MPP7: variants seen among roughly 807,000 people sequenced by gnomAD.
MPP7 encodes MAGUK p55 scaffold protein 7, also known as MAGUK p55 subfamily member 7.
A neutral mutation model predicts 76.5 loss-of-function variants in MPP7; 60 were observed. The ratio of observed to expected loss-of-function variants is 0.78; its 90% confidence interval spans 0.64 to 0.97. MPP7 has a LOEUF of 0.97. Ranked by LOEUF, MPP7 falls within the 50% of genes least tolerant of loss-of-function variation. The pLI, the probability that MPP7 is intolerant of heterozygous loss-of-function variation, is 0.00. For missense variants in MPP7, 641 were observed against 694.0 expected, an observed-to-expected ratio of 0.92 and a Z score of 0.86; for synonymous variants, 237 against 244.5, an observed-to-expected ratio of 0.97 and a Z score of 0.29.
chr10:28,290,957 T>C (rs931080125), intron 1 of MPP7, among the ~76,000 whole-genome samples: 3 of 152,202 alleles, frequency 2.0e-5, no homozygotes, highest in Non-Finnish European at 4.4e-5. Context: ...ACATGAAAAT[T>C]AACTTATTCT....
chr10:28,233,350 T>A (rs1838954043), intron 2 of MPP7, among the ~76,000 whole-genome samples: 1 of 152,158 alleles, frequency 6.6e-6, no homozygotes, highest in African/African-American at 2.4e-5. Flanking sequence ...TTTATGTGTG[T>A]TTACGCATGG....
chr10:28,202,806 T>C lies in MPP7; in HGVS notation c.38-535A>G, dbSNP rs562602754. 3 of 152,176 alleles carry C rather than the reference T, an allele frequency of 2.0e-5. No individual in the cohort carries two copies. The East Asian group carries it at 5.8e-4, about 29-fold the overall frequency. 9.4% of individuals were successfully genotyped at this position (152,176 alleles called of 1,614,324 possible). Reference sequence around the variant, plus strand: ...GTACGGGAAAAGAAATCATAAATGGTTCTACATTACTATAGTCAACTATCA... The same window carrying C: ...GTACGGGAAAAGAAATCATAAATGGCTCTACATTACTATAGTCAACTATCA... On this transcript the variant is annotated intron_variant, in intron 2 of 16. Transcript: ENST00000683449.
chr10:28,059,659 T>C lies in MPP7; in HGVS notation c.1289A>G (p.Gln430Arg), dbSNP rs756146918. ...ISKHLFETDV[Q>R]NNKFIEYGEY... ...AAAAATGTCCACATACTTGTTATTT[T>C]GTACATCTGTCTCAAACAAATGCTT... Residue 430 changes from glutamine (Q) to arginine (R), a missense_variant, in exon 14 of 17, where the codon CAA (glutamine) becomes CGA (arginine). Gln to Arg is a conservative substitution (Grantham distance 43). Transcript: ENST00000683449. 4 of 1,611,254 alleles carry C rather than the reference T, an allele frequency of 2.5e-6. No individual in the cohort carries two copies. The highest frequency in any genetic ancestry group is 3.4e-6 in the Non-Finnish European group (4 of 1,177,826).
At chr10:28,256,019 C>G (rs887096776) in intron 1 of MPP7, among the ~76,000 whole-genome samples, 1 of 152,102 alleles carries the variant, frequency 6.6e-6, no homozygotes, top group Admixed American at 6.5e-5. Flanking sequence ...ATTCTACTAT[C>G]TGGAAAGACA....
In MPP7 at chr10:28,202,139, T is replaced by A. The variant is rs776801403; in HGVS notation, c.156+14A>T. 2 of 1,551,950 alleles carry A rather than the reference T, an allele frequency of 1.3e-6. No individual in the cohort carries two copies. The highest frequency in any genetic ancestry group is 2.2e-5 in the South Asian group (2 of 89,102). Reference sequence around the variant, plus strand: ...TGCTTTTCGCAAAGAGAATCTGACATCAGCATGGTTTACCTTTACCAATGA... The same window carrying A: ...TGCTTTTCGCAAAGAGAATCTGACAACAGCATGGTTTACCTTTACCAATGA... On this transcript the variant is annotated intron_variant, in intron 3 of 16. Coordinates refer to ENST00000683449, the MANE Select transcript of MPP7 (RefSeq NM_001318170.2).
chr10:28,088,436 C>T (rs1174878684), intron 12 of MPP7, among the ~76,000 whole-genome samples: 2 of 152,076 alleles, frequency 1.3e-5, no homozygotes, highest in Non-Finnish European at 2.9e-5. Context: ...GTATGTGGCA[C>T]GTCCCCTGTC....
chr10:28,144,621 T>C (rs1455751686), intron 5 of MPP7, among the ~76,000 whole-genome samples: 9 of 152,184 alleles, frequency 5.9e-5, no homozygotes, highest in Admixed American at 5.9e-4. Context: ...CATTTCTTTT[T>C]CACATCCCAC....
chr10:28,130,854 T>C (rs1360065715), intron 6 of MPP7, among the ~76,000 whole-genome samples: 1 of 152,200 alleles, frequency 6.6e-6, no homozygotes, highest in Admixed American at 6.5e-5. Flanking sequence ...TAATTATATA[T>C]TTGAATGAGA....
chr10:28,149,665 C>G (rs956159737), intron 4 of MPP7, among the ~76,000 whole-genome samples: 3 of 152,180 alleles, frequency 2.0e-5, no homozygotes, highest in Non-Finnish European at 4.4e-5. Flanking sequence ...AAGCATTCCT[C>G]TTGTCTGTGA....
At chr10:28,321,817 C>T (rs1219287727) in intron 2 of MPP7, among the ~76,000 whole-genome samples, 1 of 152,062 alleles carries the variant, frequency 6.6e-6, no homozygotes, top group Non-Finnish European at 1.5e-5. Context: ...AACTCCTGGC[C>T]TCAGGTGATC....
intron 1 of MPP7, among the ~76,000 whole-genome samples, chr10:28,268,734 C>CAAA (rs764435309): frequency 5.3e-5 from 5 of 94,744 alleles, no homozygotes; most frequent in African/African-American, 1.9e-4. Context: ...GACTCTGTCT[C>CAAA]AAAAAAAAAA....
At chr10:28,072,971 A>C (rs11006840) in intron 12 of MPP7, among the ~76,000 whole-genome samples, 22,665 of 152,040 alleles carry the variant, frequency 0.15, 2,396 homozygotes, top group East Asian at 0.51. Context: ...CTCCATACCC[A>C]CTGCTGAGCT....
At chr10:28,107,886 G>A (rs888943279) in intron 11 of MPP7, among the ~76,000 whole-genome samples, 3 of 152,196 alleles carry the variant, frequency 2.0e-5, no homozygotes, top group Admixed American at 6.5e-5. Flanking sequence ...AGGGGGAGGT[G>A]TTAATGGATG....
intron 11 of MPP7, among the ~76,000 whole-genome samples, chr10:28,119,449 A>G (rs1302095104): frequency 6.6e-6 from 1 of 152,130 alleles, no homozygotes; most frequent in Non-Finnish European, 1.5e-5. Flanking sequence ...TTTATTATTA[A>G]CAACCTCAAC....
At chr10:28,206,681 T>C (rs1177456106) in intron 2 of MPP7, among the ~76,000 whole-genome samples, 1 of 152,220 alleles carries the variant, frequency 6.6e-6, no homozygotes, top group Non-Finnish European at 1.5e-5. Context: ...TTTTCATTTC[T>C]AGATAAGCTA....
intron 2 of MPP7, among the ~76,000 whole-genome samples, chr10:28,210,948 C>T (rs139995022): frequency 4.6e-5 from 7 of 152,090 alleles, no homozygotes; most frequent in Admixed American, 6.6e-5. Flanking sequence ...CTATACTAGA[C>T]GATAAGTACA....
intron 11 of MPP7, among the ~76,000 whole-genome samples, chr10:28,109,159 G>C (rs1348644699): frequency 6.6e-6 from 1 of 152,012 alleles, no homozygotes; most frequent in Non-Finnish European, 1.5e-5. Flanking sequence ...GTGGTGGTGG[G>C]TGCCTGTAAT....
At chr10:28,056,938 C>T (rs1851580567) in intron 15 of MPP7, among the ~76,000 whole-genome samples, 1 of 152,046 alleles carries the variant, frequency 6.6e-6, no homozygotes, top group Non-Finnish European at 1.5e-5. Flanking sequence ...ACTTTCTGTC[C>T]ACAAATGTCT....
intron 13 of MPP7, among the ~76,000 whole-genome samples, chr10:28,068,103 T>C (rs1852065486): frequency 6.6e-6 from 1 of 152,176 alleles, no homozygotes; most frequent in Non-Finnish European, 1.5e-5. Context: ...AGGTCTCTTC[T>C]ATAATTGCTC....
Sources: allele counts gnomAD v4.1 joint callset (sites outside exome capture counted in the v4.1 genomes callset), GRCh38; gene constraint gnomAD v4.1.1; transcripts MANE v1.5; gene names NCBI Gene and HGNC (gene_info 2026-07-23, HGNC 2026-07-21).